Variants in RCAN2 observed in about 807,000 individuals in gnomAD.
The protein encoded by RCAN2 is regulator of calcineurin 2, also known as calcipressin-2.
In RCAN2, 9 loss-of-function variants were observed where a neutral mutation model predicts 23.6. The ratio of observed to expected loss-of-function variants is 0.38; its 90% CI spans 0.23 to 0.67. The LOEUF is 0.67. RCAN2 is among the 30% of genes least tolerant of loss of function. RCAN2 has a pLI of 0.51. For missense variants in RCAN2, 273 were observed against 302.3 expected (o/e 0.90, Z 0.72); for synonymous variants, 109 against 115.7 (o/e 0.94, Z 0.37).
intron 2 of RCAN2, among the ~76,000 whole-genome samples, chr6:46,399,103 C>T (rs913359791): frequency 6.6e-6 from 1 of 151,964 alleles, no homozygotes; most frequent in Non-Finnish European, 1.5e-5. Flanking sequence ...AGAACCATAG[C>T]TGTTCCCTGA....
chr6:46,445,210 T>C (rs1767670888), intron 2 of RCAN2, among the ~76,000 whole-genome samples: 1 of 152,230 alleles, frequency 6.6e-6, no homozygotes, highest in Non-Finnish European at 1.5e-5. Flanking sequence ...ACTCAGGCTC[T>C]AGGCCTGTCC....
At chr6:46,440,594 ATATCT>A (rs563847895) in intron 2 of RCAN2, among the ~76,000 whole-genome samples, 9 of 151,750 alleles carry the variant, frequency 5.9e-5, no homozygotes, top group Non-Finnish European at 8.8e-5. Context: ...ATTCAGAAAA[ATATCT>A]TATATTACAT....
intron 1 of RCAN2, among the ~76,000 whole-genome samples, chr6:46,488,805 A>C (rs1004228894): frequency 1.3e-5 from 2 of 152,136 alleles, no homozygotes; most frequent in African/African-American, 4.8e-5. Flanking sequence ...TCCCCCTGAA[A>C]TGGCTCTGTA....
At chr6:46,454,276 G>GT in intron 2 of RCAN2, among the ~76,000 whole-genome samples, 1 of 152,122 alleles carries the variant, frequency 6.6e-6, no homozygotes, top group Non-Finnish European at 1.5e-5. Flanking sequence ...TATCATAATA[G>GT]TTTTTTAAAA....
intron 2 of RCAN2, among the ~76,000 whole-genome samples, chr6:46,394,272 G>A (rs532316288): frequency 1.1e-3 from 162 of 152,306 alleles, no homozygotes; most frequent in African/African-American, 3.3e-3. Context: ...ATCTGGACAC[G>A]AAGGTGCTTG....
At chr6:46,290,974 A>C (rs1289467568) in intron 2 of RCAN2, among the ~76,000 whole-genome samples, 4 of 152,206 alleles carry the variant, frequency 2.6e-5, no homozygotes, top group Non-Finnish European at 4.4e-5. Flanking sequence ...TCATGGGTCA[A>C]TACAGCCAGG....
chr6:46,320,690 G>T (rs762603473), intron 2 of RCAN2, among the ~76,000 whole-genome samples: 2 of 152,154 alleles, frequency 1.3e-5, no homozygotes, highest in Non-Finnish European at 2.9e-5. Context: ...GAGAAAGTAG[G>T]ATTTATGAGT....
Position 46,222,060 on chromosome 6 carries a change from T to C in RCAN2, c.*1081A>G. On this transcript the variant is annotated 3_prime_UTR_variant, in exon 5 of 5. Transcript: ENST00000371374. ...TAATCTACAACTGACACTTGCATCTTTATTTAAAAACAAGTGGTCTTGATA... is the reference window on the plus strand; with the variant it reads ...TAATCTACAACTGACACTTGCATCTCTATTTAAAAACAAGTGGTCTTGATA... 1 of 398,430 alleles carries C rather than the reference T, an allele frequency of 2.5e-6. No individual in the cohort carries two copies. Among genetic ancestry groups the C allele is most frequent in the Non-Finnish European group, 4.4e-6 (1 of 225,818 alleles). 24.7% of individuals were successfully genotyped at this position (398,430 alleles called of 1,614,324 possible).
chr6:46,401,727 G>C (rs958039208), intron 2 of RCAN2, among the ~76,000 whole-genome samples: 1 of 152,166 alleles, frequency 6.6e-6, no homozygotes, highest in African/African-American at 2.4e-5. Context: ...CACATCTTTA[G>C]TTATGTGGCA....
intron 2 of RCAN2, among the ~76,000 whole-genome samples, chr6:46,391,826 C>G (rs1448125778): frequency 6.6e-6 from 1 of 151,982 alleles, no homozygotes; most frequent in Non-Finnish European, 1.5e-5. Context: ...TTTGTGTTTA[C>G]CTGAGACACT....
intron 2 of RCAN2, among the ~76,000 whole-genome samples, chr6:46,412,663 C>T (rs986152049): frequency 1.3e-5 from 2 of 152,166 alleles, no homozygotes; most frequent in Non-Finnish European, 2.9e-5. Context: ...ATCAAGCGTT[C>T]TTGAGAGGTC....
chr6:46,303,329 C>A (rs771768554), intron 2 of RCAN2, among the ~76,000 whole-genome samples: 16 of 152,066 alleles, frequency 1.1e-4, no homozygotes, highest in Non-Finnish European at 1.9e-4. Context: ...AGCCATTTTA[C>A]AGATTGGAAA....
chr6:46,359,095 C>T (rs531394156), intron 2 of RCAN2, among the ~76,000 whole-genome samples: 9 of 152,134 alleles, frequency 5.9e-5, no homozygotes, highest in Admixed American at 1.3e-4. Flanking sequence ...TCTGAATCAT[C>T]GGATCTAGTG....
chr6:46,298,695 T>C (rs983044326), intron 2 of RCAN2, among the ~76,000 whole-genome samples: 1 of 152,044 alleles, frequency 6.6e-6, no homozygotes, highest in Non-Finnish European at 1.5e-5. Context: ...TGGAAAGCAG[T>C]GTGGAGATTT....
chr6:46,388,790 G>A (rs1356995526), intron 2 of RCAN2, among the ~76,000 whole-genome samples: 1 of 152,102 alleles, frequency 6.6e-6, no homozygotes, highest in African/African-American at 2.4e-5. Context: ...ACACACCGGG[G>A]CCTGTGTTGG....
intron 2 of RCAN2, among the ~76,000 whole-genome samples, chr6:46,298,288 A>G: frequency 6.6e-6 from 1 of 152,128 alleles, no homozygotes; most frequent in African/African-American, 2.4e-5. Context: ...AGTTGTAAAT[A>G]TGACTGATTT....
chr6:46,415,065 T>C (rs141582877), intron 2 of RCAN2, among the ~76,000 whole-genome samples: 1 of 152,274 alleles, frequency 6.6e-6, no homozygotes, highest in African/African-American at 2.4e-5. Flanking sequence ...CTTTGGTTAC[T>C]GAGGCAAGGG....
chr6:46,294,032 G>A (rs1762643834), intron 2 of RCAN2, among the ~76,000 whole-genome samples: 1 of 152,318 alleles, frequency 6.6e-6, no homozygotes, highest in East Asian at 1.9e-4. Flanking sequence ...AGGGCGTGAT[G>A]ATTGGGGCAC....
chr6:46,298,895 G>A (rs1462123051), intron 2 of RCAN2, among the ~76,000 whole-genome samples: 1 of 152,078 alleles, frequency 6.6e-6, no homozygotes, highest in Non-Finnish European at 1.5e-5. Context: ...AAGAAAATGT[G>A]CTTTATATAC....
Sources: allele counts gnomAD v4.1 joint callset (sites outside exome capture counted in the v4.1 genomes callset), GRCh38; gene constraint gnomAD v4.1.1; transcripts MANE v1.5; gene names NCBI Gene and HGNC (gene_info 2026-07-23, HGNC 2026-07-21).